RIMS2: variants seen among roughly 807,000 people sequenced by gnomAD.
RIMS2 encodes the protein regulating synaptic membrane exocytosis protein 2.
A neutral mutation model predicts 174.4 loss-of-function variants in RIMS2; 59 were observed. That is an observed-to-expected ratio of 0.34 (90% CI 0.27 to 0.42). The LOEUF (loss-of-function observed/expected upper bound fraction) is 0.42, where lower values mean the gene tolerates loss of function less well. Among genes scored for constraint, RIMS2 ranks in the 10% least tolerant of loss-of-function variants. RIMS2 has a pLI of 1.00. For missense variants in RIMS2, 1,620 were observed against 1,666.3 expected (o/e 0.97, Z 0.48); for synonymous variants, 606 against 572.5 (o/e 1.06, Z -0.84).
intron 15 of RIMS2, among the ~76,000 whole-genome samples, chr8:103,966,159 G>C (rs74584207): frequency 0.2 from 30,922 of 152,066 alleles, 3,479 homozygotes; most frequent in Non-Finnish European, 0.24. Flanking sequence ...GAGTTAGAGA[G>C]TAGTCTCTCT....
At chr8:103,686,046 A>C (rs1176029163) in intron 1 of RIMS2, among the ~76,000 whole-genome samples, 1 of 152,108 alleles carries the variant, frequency 6.6e-6, no homozygotes, top group Admixed American at 6.5e-5. Flanking sequence ...TTCATATCTT[A>C]TTAGAGTTAT....
At chr8:103,946,860 C>A (rs929869164) in intron 14 of RIMS2, among the ~76,000 whole-genome samples, 1 of 152,088 alleles carries the variant, frequency 6.6e-6, no homozygotes, top group Non-Finnish European at 1.5e-5. Context: ...TGTACAGCTA[C>A]AGTAATTGCA....
chr8:103,652,172 A>G, intron 1 of RIMS2, 33 bp from the exon 2 acceptor site: 1 of 1,261,584 alleles, frequency 7.9e-7, no homozygotes, highest in Non-Finnish European at 1.1e-6. Context: ...TTCATAGTAC[A>G]GTGCACTCAG....
intron 3 of RIMS2, among the ~76,000 whole-genome samples, chr8:103,769,433 C>G (rs1229682993): frequency 6.6e-6 from 1 of 152,144 alleles, no homozygotes; most frequent in Non-Finnish European, 1.5e-5. Flanking sequence ...AAGCGATTCT[C>G]CTGCCTCAGC....
intron 1 of RIMS2, among the ~76,000 whole-genome samples, chr8:103,587,719 T>A (rs1259899314): frequency 1.3e-5 from 2 of 152,022 alleles, no homozygotes. Context: ...CATTTCATAA[T>A]GAAAAATCCT....
At chr8:104,005,184 T>C (rs1378579943) in intron 17 of RIMS2, among the ~76,000 whole-genome samples, 1 of 152,122 alleles carries the variant, frequency 6.6e-6, no homozygotes, top group Non-Finnish European at 1.5e-5. Context: ...ATCCCTAAAA[T>C]TACCAATGAC....
intron 3 of RIMS2, among the ~76,000 whole-genome samples, chr8:103,869,353 G>A (rs369661195): frequency 4.6e-5 from 7 of 151,822 alleles, no homozygotes; most frequent in African/African-American, 9.7e-5. Flanking sequence ...CCACCACCAC[G>A]CCCAGCTAAT....
intron 19 of RIMS2, among the ~76,000 whole-genome samples, chr8:104,138,546 G>T (rs1481310978): frequency 6.6e-6 from 1 of 152,042 alleles, no homozygotes. Context: ...GCCTTCTCAT[G>T]TACCTGTTTG....
chr8:103,819,387 A>C, intron 3 of RIMS2: 1 of 1,557,402 alleles, frequency 6.4e-7, no homozygotes. Context: ...CAGTTTTTAC[A>C]GAGCTCAGGA....
At chr8:104,182,120 A>G (rs2098943614) in intron 19 of RIMS2, among the ~76,000 whole-genome samples, 1 of 151,894 alleles carries the variant, frequency 6.6e-6, no homozygotes, top group South Asian at 2.1e-4. Context: ...TTAATGTACC[A>G]TTATTGCAGA....
At chr8:103,657,770 AAC>A (rs2096548682) in intron 1 of RIMS2, among the ~76,000 whole-genome samples, 1 of 152,214 alleles carries the variant, frequency 6.6e-6, no homozygotes, top group East Asian at 1.9e-4. Flanking sequence ...CTCATTGGTT[AAC>A]ACAGCTCAGT....
At chr8:103,551,886 A>G (rs1373608510) in intron 1 of RIMS2, among the ~76,000 whole-genome samples, 1 of 152,210 alleles carries the variant, frequency 6.6e-6, no homozygotes, top group Admixed American at 6.5e-5. Context: ...TAGGAATCCA[A>G]CTTACAAGGG....
chr8:103,638,580 A>G (rs186095333), intron 1 of RIMS2, among the ~76,000 whole-genome samples: 1 of 152,116 alleles, frequency 6.6e-6, no homozygotes, highest in Non-Finnish European at 1.5e-5. Flanking sequence ...AGCTTTGGCC[A>G]TTGGGAACTC....
chr8:104,172,042 C>T (rs1338433907), intron 19 of RIMS2, among the ~76,000 whole-genome samples: 1 of 152,074 alleles, frequency 6.6e-6, no homozygotes, highest in East Asian at 1.9e-4. Flanking sequence ...TCTCTTGAAG[C>T]TTATCTCATT....
intron 1 of RIMS2, among the ~76,000 whole-genome samples, chr8:103,574,751 T>G (rs543040369): frequency 1.3e-5 from 2 of 152,322 alleles, no homozygotes; most frequent in Admixed American, 6.5e-5. Context: ...AAGAAAGCCC[T>G]TGGGAAGAGA....
intron 3 of RIMS2, among the ~76,000 whole-genome samples, chr8:103,840,847 A>T (rs1187147195): frequency 6.6e-6 from 1 of 152,190 alleles, no homozygotes; most frequent in Non-Finnish European, 1.5e-5. Flanking sequence ...GCTGGAAGGT[A>T]CACTTGTTAT....
intron 1 of RIMS2, among the ~76,000 whole-genome samples, chr8:103,635,460 C>T (rs1356010117): frequency 2.0e-5 from 3 of 152,096 alleles, no homozygotes; most frequent in Non-Finnish European, 2.9e-5. Context: ...ACTCTGGCCA[C>T]TTTTCCATAG....
intron 1 of RIMS2, among the ~76,000 whole-genome samples, chr8:103,661,753 G>T (rs564884748): frequency 1.3e-5 from 2 of 152,144 alleles, no homozygotes; most frequent in Non-Finnish European, 2.9e-5. Flanking sequence ...CAATCTGCCC[G>T]CTTGGTCTCC....
rs542965691 is a variant in RIMS2 at position 103,578,528 on chromosome 8, CAAAACAA to C, written c.176+77483_176+77489del. Among the ~76,000 whole-genome samples, 563 of 151,506 alleles carry C rather than the reference CAAAACAA, an allele frequency of 3.7e-3. 8 individuals are homozygous for C. Among genetic ancestry groups the C allele is most frequent in the African/African-American group, 0.013 (525 of 41,282 alleles). On this transcript the variant is annotated intron_variant, in intron 1 of 23. Transcript: ENST00000504942. ...CCTGGGTGACAGAGTGAGCTCCTGT[CAAAACAA>C]AAAACAAAAAACAAAACAAAACAAC...
Sources: allele counts gnomAD v4.1 joint callset (sites outside exome capture counted in the v4.1 genomes callset), GRCh38; gene constraint gnomAD v4.1.1; transcripts MANE v1.5; gene names NCBI Gene and HGNC (gene_info 2026-07-23, HGNC 2026-07-21).